HS3ST5: variants seen among roughly 807,000 people sequenced by gnomAD.
The protein encoded by HS3ST5 is heparan sulfate glucosamine 3-O-sulfotransferase 5.
Under a neutral mutation model 25.4 loss-of-function variants are expected in HS3ST5, and 10 were observed. The ratio of observed to expected loss-of-function variants is 0.39; its 90% CI spans 0.24 to 0.67. HS3ST5 has a LOEUF of 0.67. Ranked by LOEUF, HS3ST5 falls within the 30% of genes least tolerant of loss-of-function variation. The pLI is 0.44. For synonymous variants in HS3ST5, 170 were observed against 162.4 expected (o/e 1.05, Z -0.36); for missense variants, 324 against 420.7 (o/e 0.77, Z 2.01).
intron 1 of HS3ST5, among the ~76,000 whole-genome samples, chr6:114,229,393 C>T (rs1395088980): frequency 6.6e-6 from 1 of 152,112 alleles, no homozygotes; most frequent in Non-Finnish European, 1.5e-5. Context: ...GGTAATCAAC[C>T]ATGCAAGTAC....
At chr6:114,250,186 T>C (rs1304853443) in intron 1 of HS3ST5, among the ~76,000 whole-genome samples, 1 of 152,196 alleles carries the variant, frequency 6.6e-6, no homozygotes, top group Non-Finnish European at 1.5e-5. Flanking sequence ...TGGGAGGAAA[T>C]TGAATACAAA....
chr6:114,057,856 G>A lies in HS3ST5; in HGVS notation c.442C>T (p.Pro148Ser), dbSNP rs761527530. 3.7e-6 allele frequency: 6 copies of A among 1,613,708 alleles called. No homozygotes were observed. The highest frequency in any genetic ancestry group is 5.1e-6 in the Non-Finnish European group (6 of 1,179,922). ...CTCTTTTCAATTGTGATTTGCTGAG[G>A]GTAGGAAAAAGGCATCTTTTTCCTA... The part of the protein sequence containing the change: ...WYRKKMPFSY[P>S]QQITIEKSPA... The change falls in exon 5 of 5, where the codon CCT becomes TCT. Residue 148 changes from proline (P) to serine (S), a missense_variant. Transcript: ENST00000312719.
rs765737377 is a variant in HS3ST5, at chr6:114,056,141, A to G, written c.*1116T>C. ...GTTCAAATAAAATGGTGATTCTTCT[A>G]TGCCTTGATTCTGTTAAAATATTCC... is the stretch of plus-strand genomic sequence containing the variant. On this transcript the variant is annotated 3_prime_UTR_variant, in exon 5 of 5. Coordinates refer to ENST00000312719, the MANE Select transcript of HS3ST5 (RefSeq NM_153612.4). 6.6e-6 allele frequency: 1 copy of G among 152,182 alleles called. No individual in the cohort carries two copies. The highest frequency in any genetic ancestry group is 1.5e-5 in the Non-Finnish European group (1 of 68,030). The allele number at this position is 152,182 out of a possible 1,614,324, so 9.4% of individuals were successfully genotyped here.
intron 1 of HS3ST5, among the ~76,000 whole-genome samples, chr6:114,337,344 G>A (rs1285350986): frequency 6.6e-6 from 1 of 152,184 alleles, no homozygotes; most frequent in African/African-American, 2.4e-5. Context: ...AGTCTGAGCA[G>A]AATAAGTCTT....
chr6:114,243,864 A>G (rs1772257267), intron 1 of HS3ST5, among the ~76,000 whole-genome samples: 1 of 152,068 alleles, frequency 6.6e-6, no homozygotes, highest in African/African-American at 2.4e-5. Flanking sequence ...TCATCCCCCT[A>G]TGCTGTCCCC....
chr6:114,097,383 T>C (rs1775488128), intron 3 of HS3ST5, among the ~76,000 whole-genome samples: 1 of 152,008 alleles, frequency 6.6e-6, no homozygotes, highest in Non-Finnish European at 1.5e-5. Context: ...ATGCAAAACT[T>C]GTTTAACAAC....
rs145019992 is a variant in HS3ST5 at position 114,177,110 on chromosome 6, T to C, written c.-144-8648A>G. On this transcript the variant is annotated intron_variant, in intron 2 of 4. Transcript: ENST00000312719. The stretch of plus-strand genomic sequence containing the variant: ...ATTGCAATGCAGTTCTACCGTAGTT[T>C]GAATGGGTAGTATCATACATTTTGA... 5.3e-3 allele frequency among the ~76,000 whole-genome samples: 800 copies of C among 152,320 alleles called. 6 individuals carry two copies. The highest frequency in any genetic ancestry group is 0.016 in the African/African-American group (660 of 41,582).
At chr6:114,130,914 C>G (rs942149009) in intron 3 of HS3ST5, among the ~76,000 whole-genome samples, 1 of 151,826 alleles carries the variant, frequency 6.6e-6, no homozygotes, top group African/African-American at 2.4e-5. Flanking sequence ...GGTGGTGCAC[C>G]CTTGTAGTCC....
intron 3 of HS3ST5, among the ~76,000 whole-genome samples, chr6:114,099,238 G>A (rs6916558): frequency 0.26 from 40,181 of 151,976 alleles, 5,586 homozygotes; most frequent in African/African-American, 0.34. Flanking sequence ...CCTGTTTTAA[G>A]AAGTACAAGT....
intron 3 of HS3ST5, among the ~76,000 whole-genome samples, chr6:114,071,652 A>G (rs567673541): frequency 6.6e-6 from 1 of 152,282 alleles, no homozygotes; most frequent in East Asian, 1.9e-4. Flanking sequence ...GACTATCCTA[A>G]GATTATGGCA....
chr6:114,251,363 A>T (rs1360286799), intron 1 of HS3ST5, among the ~76,000 whole-genome samples: 1 of 152,244 alleles, frequency 6.6e-6, no homozygotes, highest in Non-Finnish European at 1.5e-5. Context: ...AAATCCTGAG[A>T]TGCCACTAGA....
At chr6:114,096,131 G>C (rs1161720813) in intron 3 of HS3ST5, among the ~76,000 whole-genome samples, 3 of 152,082 alleles carry the variant, frequency 2.0e-5, no homozygotes, top group African/African-American at 7.2e-5. Context: ...TTTAGGCAAG[G>C]GCAGAGGCTT....
chr6:114,267,293 G>A (rs1773447389), intron 1 of HS3ST5, among the ~76,000 whole-genome samples: 1 of 152,198 alleles, frequency 6.6e-6, no homozygotes, highest in Non-Finnish European at 1.5e-5. Context: ...AATTTCCACT[G>A]AAGCCGGAAT....
intron 3 of HS3ST5, among the ~76,000 whole-genome samples, chr6:114,167,956 T>C (rs1404776413): frequency 6.6e-6 from 1 of 152,114 alleles, no homozygotes; most frequent in East Asian, 1.9e-4. Flanking sequence ...TTGGGAAAGA[T>C]ATTTCAGATA....
At chr6:114,178,112 A>C (rs966809201) in intron 2 of HS3ST5, among the ~76,000 whole-genome samples, 7 of 152,126 alleles carry the variant, frequency 4.6e-5, no homozygotes, top group Non-Finnish European at 8.8e-5. Context: ...AAGGATAGGC[A>C]ACTGATACCA....
chr6:114,172,237 T>C (rs879898038), intron 2 of HS3ST5, among the ~76,000 whole-genome samples: 2 of 152,224 alleles, frequency 1.3e-5, no homozygotes, highest in African/African-American at 4.8e-5. Flanking sequence ...TAAGCTACAC[T>C]GTATCTCAAT....
chr6:114,185,951 G>A (rs915977771), intron 2 of HS3ST5, among the ~76,000 whole-genome samples: 3 of 151,812 alleles, frequency 2.0e-5, no homozygotes, highest in Non-Finnish European at 4.4e-5. Flanking sequence ...CCCAAGCTGT[G>A]ATCTGTGATC....
At chr6:114,190,557 A>T (rs73540303) in intron 2 of HS3ST5, among the ~76,000 whole-genome samples, 1,532 of 152,298 alleles carry the variant, frequency 0.01, 31 homozygotes, top group African/African-American at 0.036. Flanking sequence ...TACCTTGCTT[A>T]TGATGACATC....
At chr6:114,211,783 A>C (rs1781519787) in intron 2 of HS3ST5, among the ~76,000 whole-genome samples, 1 of 152,274 alleles carries the variant, frequency 6.6e-6, no homozygotes, top group Non-Finnish European at 1.5e-5. Context: ...CTAAGCAAGA[A>C]GAATCAAATA....
Sources: allele counts gnomAD v4.1 joint callset (sites outside exome capture counted in the v4.1 genomes callset), GRCh38; gene constraint gnomAD v4.1.1; transcripts MANE v1.5; gene names NCBI Gene and HGNC (gene_info 2026-07-23, HGNC 2026-07-21).